The following ZEB1 variants were observed in gnomAD, a reference collection of about 807,000 sequenced individuals.
The protein encoded by ZEB1 is zinc finger E-box-binding homeobox 1.
In ZEB1, 21 loss-of-function variants were observed where a neutral mutation model predicts 84.9. The ratio of observed to expected loss-of-function variants is 0.25; its 90% CI spans 0.18 to 0.36. The LOEUF (loss-of-function observed/expected upper bound fraction) is 0.36. ZEB1 is among the 10% of genes least tolerant of loss of function. ZEB1 has a pLI of 1.00. For synonymous variants in ZEB1, 420 were observed against 471.1 expected, an observed-to-expected ratio of 0.89 and a Z score of 1.41; for missense variants, 1,104 against 1,330.2, an observed-to-expected ratio of 0.83 and a Z score of 2.65.
intron 3 of ZEB1, among the ~76,000 whole-genome samples, chr10:31,502,137 ACATT>A (rs2068238416): frequency 6.6e-6 from 1 of 152,236 alleles, no homozygotes; most frequent in South Asian, 2.1e-4. Context: ...AGAATTTCAC[ACATT>A]CATAGCATTT....
intron 3 of ZEB1, among the ~76,000 whole-genome samples, chr10:31,499,437 C>G (rs1488095664): frequency 6.6e-6 from 1 of 152,058 alleles, no homozygotes. Context: ...TTTCCAATAA[C>G]CTACCCAGCA....
At chr10:31,480,992 G>A (rs2064972565) in intron 2 of ZEB1, among the ~76,000 whole-genome samples, 1 of 151,968 alleles carries the variant, frequency 6.6e-6, no homozygotes, top group South Asian at 2.1e-4. Context: ...CTCTACAAAA[G>A]GGTGTACTCA....
intron 1 of ZEB1, among the ~76,000 whole-genome samples, chr10:31,410,099 G>A (rs2135745308): frequency 6.6e-6 from 1 of 152,278 alleles, no homozygotes; most frequent in East Asian, 1.9e-4. Flanking sequence ...TTTTCAAAGG[G>A]AATGCTTCTA....
chr10:31,321,565 T>C, intron 1 of ZEB1: 1 of 1,614,028 alleles, frequency 6.2e-7, no homozygotes, highest in Non-Finnish European at 8.5e-7. Context: ...GTTCGCTTTT[T>C]ACCTTATTTA....
intron 1 of ZEB1, among the ~76,000 whole-genome samples, chr10:31,448,637 G>C (rs2060109361): frequency 6.6e-6 from 1 of 151,846 alleles, no homozygotes; most frequent in Non-Finnish European, 1.5e-5. Flanking sequence ...TTACAGACAG[G>C]ACCCTCAGCT....
intron 1 of ZEB1, among the ~76,000 whole-genome samples, chr10:31,392,214 G>A (rs1436043945): frequency 6.6e-6 from 1 of 152,070 alleles, no homozygotes; most frequent in African/African-American, 2.4e-5. Context: ...TATGTGATAA[G>A]TTCTTGAAGA....
chr10:31,358,799 T>G (rs1241302593), intron 1 of ZEB1, among the ~76,000 whole-genome samples: 1 of 152,222 alleles, frequency 6.6e-6, no homozygotes, highest in African/African-American at 2.4e-5. Flanking sequence ...ACCATATATC[T>G]TATTTCTTTC....
At chr10:31,423,332 A>C (rs976119711) in intron 1 of ZEB1, among the ~76,000 whole-genome samples, 3 of 152,154 alleles carry the variant, frequency 2.0e-5, no homozygotes, top group African/African-American at 7.2e-5. Flanking sequence ...AGTATGTCTT[A>C]TGGAAAACAG....
chr10:31,504,813 A>G (rs1457971416), intron 4 of ZEB1, among the ~76,000 whole-genome samples: 1 of 151,990 alleles, frequency 6.6e-6, no homozygotes, highest in Non-Finnish European at 1.5e-5. Context: ...GTATCCTGCA[A>G]CTTTCAGTTT....
chr10:31,456,427 ATAT>A (rs991046962), intron 1 of ZEB1, among the ~76,000 whole-genome samples: 1 of 152,106 alleles, frequency 6.6e-6, no homozygotes, highest in Non-Finnish European at 1.5e-5. Flanking sequence ...TATAAGGATG[ATAT>A]TATGCTGTAA....
intron 2 of ZEB1, among the ~76,000 whole-genome samples, chr10:31,474,676 A>G (rs979964777): frequency 1.2e-4 from 18 of 152,328 alleles, no homozygotes; most frequent in Non-Finnish European, 2.4e-4. Flanking sequence ...ATCTAGAACT[A>G]GAAATACCAT....
At chr10:31,361,267 A>G in intron 1 of ZEB1, 2 of 1,551,836 alleles carry the variant, frequency 1.3e-6, no homozygotes, top group Non-Finnish European at 1.8e-6. Context: ...ATCTCGGCTC[A>G]CTGCAACCTC....
chr10:31,475,854 A>G (rs779694108), intron 2 of ZEB1, among the ~76,000 whole-genome samples: 1 of 152,126 alleles, frequency 6.6e-6, no homozygotes, highest in Non-Finnish European at 1.5e-5. Flanking sequence ...AGAAACCTCA[A>G]AGATCCAATA....
At chr10:31,412,221 T>C (rs766396230) in intron 1 of ZEB1, among the ~76,000 whole-genome samples, 1 of 152,202 alleles carries the variant, frequency 6.6e-6, no homozygotes, top group Non-Finnish European at 1.5e-5. Flanking sequence ...TAAATTATGA[T>C]GTCACTTGTA....
intron 6 of ZEB1, among the ~76,000 whole-genome samples, chr10:31,515,930 G>C (rs1274541288): frequency 1.3e-5 from 2 of 151,954 alleles, no homozygotes; most frequent in African/African-American, 2.4e-5. Flanking sequence ...ATTCAAGAGG[G>C]ATTTTTAAAT....
intron 1 of ZEB1, among the ~76,000 whole-genome samples, chr10:31,340,186 T>C (rs1404714000): frequency 1.3e-5 from 2 of 152,190 alleles, no homozygotes; most frequent in Non-Finnish European, 2.9e-5. Flanking sequence ...TTGGGTTCAA[T>C]GAATTATCTA....
intron 1 of ZEB1, among the ~76,000 whole-genome samples, chr10:31,390,543 G>C (rs1043546579): frequency 1.3e-5 from 2 of 152,104 alleles, no homozygotes; most frequent in African/African-American, 2.4e-5. Flanking sequence ...ATAAAATGTA[G>C]ATCATCTAAC....
intron 1 of ZEB1, among the ~76,000 whole-genome samples, chr10:31,323,836 G>A (rs1228367903): frequency 7.9e-5 from 12 of 151,860 alleles, no homozygotes; most frequent in Non-Finnish European, 8.8e-5. Context: ...ATTTTTAGTG[G>A]TGTTTTTATA....
intron 2 of ZEB1, among the ~76,000 whole-genome samples, chr10:31,484,124 C>CT (rs1278498529): frequency 6.6e-6 from 1 of 152,008 alleles, no homozygotes; most frequent in African/African-American, 2.4e-5. Context: ...GCCTCACTCT[C>CT]TTTCACTTTT....
Sources: gnomAD v4.1 joint callset for allele counts (sites outside exome capture counted in the v4.1 genomes callset) on GRCh38, gnomAD v4.1.1 for gene constraint, MANE v1.5 for transcripts, NCBI Gene and HGNC (gene_info 2026-07-23, HGNC 2026-07-21) for gene names.